The following HPX variants were observed in gnomAD, a reference collection of about 807,000 sequenced individuals.
HPX encodes the protein hemopexin.
HPX carries 42 observed loss-of-function variants against 53.8 expected under a neutral mutation model. The observed-to-expected ratio is 0.78, with a 90% CI of 0.61 to 1.01. HPX has a LOEUF of 1.01. Ranked by LOEUF, HPX falls within the 50% of genes least tolerant of loss-of-function variation. HPX has a pLI of 0.00. For synonymous variants in HPX, 229 were observed against 221.1 expected, an observed-to-expected ratio of 1.04 and a Z score of -0.32; for missense variants, 547 against 594.3, an observed-to-expected ratio of 0.92 and a Z score of 0.83.
Position 6,431,229 on chromosome 11 carries a change from G to A in HPX, c.1371C>T (p.Leu457=). 1.2e-6 allele frequency: 2 copies of A among 1,614,244 alleles called. No individual in the cohort carries two copies. Among genetic ancestry groups the A allele is most frequent in the Middle Eastern group, 1.6e-4 (1 of 6,062 alleles). Residue 457 remains leucine, a synonymous_variant, in exon 10 of 10, where the codon CTC becomes CTT. Transcript: ENST00000265983. ...AGGCCCCTCAGTGAGTGCAGCCCAG[G>A]AGACTGGTCACATTCTGGGGTTGCG... ...ALPQPQNVTS[L]LGCTH
chr11:6,435,670 C>T (rs1317612689), intron 7 of HPX, among the ~76,000 whole-genome samples: 4 of 152,158 alleles, frequency 2.6e-5, no homozygotes, highest in African/African-American at 9.7e-5. Flanking sequence ...TGGTCTCAAA[C>T]TCCTAGGCTC....
Position 6,437,101 on chromosome 11 carries a change from ATG to A in HPX, c.778_779del (p.His260SerfsTer9). The stretch of plus-strand genomic sequence containing the variant: ...CAGACGTCAGTGCAGACAAGACTAG[ATG>A]TGGGCTACAGCGCATATACTCAGGG... ...HGPEYMRCSPHLVLSALTSDN... is the reference protein window; with the variant it reads ...HGPEYMRCSPXLVLSALTSDN... On this transcript the variant is annotated frameshift_variant, in exon 7 of 10. Transcript: ENST00000265983. LOFTEE classifies it high-confidence loss of function. 6.2e-7 allele frequency: 1 copy of A among 1,614,142 alleles called. No homozygotes were observed. Among genetic ancestry groups the A allele is most frequent in the Non-Finnish European group, 8.5e-7 (1 of 1,180,012 alleles).
chr11:6,439,623 C>T (rs1849459851), intron 4 of HPX: 1 of 185,186 alleles, frequency 5.4e-6, no homozygotes, highest in Non-Finnish European at 1.1e-5. Context: ...TAGAATGAGA[C>T]ATTTGAGAAG....
In HPX at chr11:6,437,507, G is replaced by A; in HGVS notation, c.636C>T (p.Val212=). The change falls in exon 6 of 10, where the codon GTC becomes GTT. Residue 212 remains valine (V), a synonymous_variant. Transcript: ENST00000265983. ...QGNQFLRFDP[V]RGEVPPRYPR... ...GGTACCTGGGAGGCACCTCTCCCCT[G>A]ACAGGGTCGAAGCGCAGGAATTGGT... The A allele has an allele frequency of 1.2e-6, 2 of 1,614,224 alleles. No individual in the cohort carries two copies. Among genetic ancestry groups the A allele is most frequent in the Non-Finnish European group, 8.5e-7 (1 of 1,180,034 alleles).
Position 6,440,502 on chromosome 11 carries a change from G to C in HPX, c.179C>G (p.Thr60Ser). Residue 60 changes from threonine (T) to serine (S), a missense_variant, in exon 3 of 10, where the codon ACC becomes AGC. Transcript: ENST00000265983. Reference protein sequence around the residue: ...CSDGWSFDATTLDDNGTMLFF... With the variant: ...CSDGWSFDATSLDDNGTMLFF... ...CAGCATGGTTCCATTGTCATCCAGG[G>C]TGGTAGCATCAAAGCTCCAGCCATC... The C allele has an allele frequency of 6.3e-7, 1 of 1,592,440 alleles. No individual in the cohort carries two copies. The highest frequency in any genetic ancestry group is 8.5e-7 in the Non-Finnish European group (1 of 1,171,098).
chr11:6,431,447 G>A lies in HPX; in HGVS notation c.1153C>T (p.Leu385=). 1 of 1,614,140 alleles carries A rather than the reference G, an allele frequency of 6.2e-7. No individual in the cohort carries two copies. Among genetic ancestry groups the A allele is most frequent in the South Asian group, 1.1e-5 (1 of 91,090 alleles). Residue 385 remains leucine, a synonymous_variant, in exon 10 of 10, where the codon CTG becomes TTG. Transcript: ENST00000265983. ...CACGTGGCTTGGGCTCCTGACTTCA[G>A]GTCCAGCCACCACAGCCGCCGTCCT... is the stretch of plus-strand genomic sequence containing the variant. The part of the protein sequence containing the change: ...MAGRRLWWLD[L]KSGAQATWTE...
At position 6,431,708 on chromosome 11, in the gene HPX, C is replaced by T. The variant is rs1322058726; in HGVS notation, c.1062G>A (p.Gly354=). The change falls in exon 9 of 10, where the codon GGG becomes GGA. Residue 354 remains glycine (G), a synonymous_variant. Transcript: ENST00000265983. ...CCGCATCCACAGAGTCCAGGATAAT[C>T]CCATGAGGGGTCCCGACTTCCTTCT... ...RLEKEVGTPH[G]IILDSVDAAF... 1.9e-6 allele frequency: 3 copies of T among 1,614,196 alleles called. No individual in the cohort carries two copies. Among genetic ancestry groups the T allele is most frequent in the Admixed American group, 3.3e-5 (2 of 60,034 alleles).
chr11:6,440,088 A>C, intron 4 of HPX, 77 bp downstream of exon 4: 1 of 1,590,752 alleles, frequency 6.3e-7, no homozygotes, highest in African/African-American at 1.3e-5. Context: ...GCTCCATGCC[A>C]AGGCCATTTG....
At chr11:6,439,384 A>C (rs1024413572) in intron 4 of HPX, among the ~76,000 whole-genome samples, 3 of 152,212 alleles carry the variant, frequency 2.0e-5, no homozygotes, top group African/African-American at 7.2e-5. Flanking sequence ...ACAGGAGGAA[A>C]GGTTGGTTTG....
rs1279954488 is a variant in HPX at position 6,431,490 on chromosome 11, C to T, written c.1130-20G>A. On this transcript the variant is annotated intron_variant, in intron 9 of 9. Transcript: ENST00000265983. ...GCCGTCCTGGGGAGAAGGCACCAAA[C>T]ATAGCATGGCTTCCATGTCATGGGG... 1.2e-6 allele frequency: 2 copies of T among 1,613,604 alleles called. No individual in the cohort carries two copies. Among genetic ancestry groups the T allele is most frequent in the Non-Finnish European group, 1.7e-6 (2 of 1,179,784 alleles).
At chr11:6,439,960 G>C in intron 4 of HPX, 2 of 646,372 alleles carry the variant, frequency 3.1e-6, no homozygotes, top group Non-Finnish European at 5.6e-6. Context: ...GACTAGGACT[G>C]AAGAACAGCC....
At chr11:6,432,287 G>A (rs1849361468) in intron 7 of HPX, 1 of 496,422 alleles carries the variant, frequency 2.0e-6, no homozygotes, top group Non-Finnish European at 3.6e-6. Context: ...AACATCATGG[G>A]GTTGGCGGGC....
Position 6,440,516 on chromosome 11 carries a change from G to A in HPX, c.165C>T (p.Ser55=). ...DVTERCSDGW[S]FDATTLDDNG... Reference sequence around the variant, plus strand: ...TGTCATCCAGGGTGGTAGCATCAAAGCTCCAGCCATCTGAGCAGCGTTCTG... The same window carrying A: ...TGTCATCCAGGGTGGTAGCATCAAAACTCCAGCCATCTGAGCAGCGTTCTG... The change falls in exon 3 of 10, where the codon AGC becomes AGT. Residue 55 remains serine, a synonymous_variant. Transcript: ENST00000265983. 2 of 1,539,900 alleles carry A rather than the reference G, an allele frequency of 1.3e-6. No individual in the cohort carries two copies. The highest frequency in any genetic ancestry group is 1.5e-5 in the African/African-American group (1 of 68,370).
chr11:6,436,616 T>C (rs1307043864), intron 7 of HPX, among the ~76,000 whole-genome samples: 2 of 152,102 alleles, frequency 1.3e-5, no homozygotes, highest in Non-Finnish European at 2.9e-5. Flanking sequence ...ACCAGGAACC[T>C]GAAACAAGAT....
intron 2 of HPX, 41 bp from the exon 3 acceptor site, chr11:6,440,579 A>C (rs904865189): frequency 6.5e-6 from 3 of 459,828 alleles, no homozygotes; most frequent in Non-Finnish European, 9.1e-6. Context: ...AAAAAAAAAA[A>C]AAAAAAAAAA....
chr11:6,437,019 A>T (rs1432404565), intron 7 of HPX, 27 bp downstream of exon 7: 1 of 1,612,236 alleles, frequency 6.2e-7, no homozygotes, highest in Non-Finnish European at 8.5e-7. Context: ...GTGAGAGCAC[A>T]TTGGGGGAGT....
Position 6,431,051 on chromosome 11 carries a change from CAAGTG to C in HPX, c.*155_*159del. Reference sequence around the variant, plus strand: ...GTTTCACGACCAAGGTCCCTTGATTCAAGTGAAGAAGCAATCTGTCTTTATTATGA... The same window carrying C: ...GTTTCACGACCAAGGTCCCTTGATTCAAGAAGCAATCTGTCTTTATTATGA... On this transcript the variant is annotated 3_prime_UTR_variant, in exon 10 of 10. Coordinates refer to ENST00000265983, the MANE Select transcript of HPX (RefSeq NM_000613.3). 1 of 950,602 alleles carries C rather than the reference CAAGTG, an allele frequency of 1.1e-6. No individual in the cohort carries two copies. The highest frequency in any genetic ancestry group is 1.5e-6 in the Non-Finnish European group (1 of 656,558). The allele number at this position is 950,602 out of a possible 1,614,324, so 58.9% of individuals were successfully genotyped here. A position where few individuals can be genotyped will look rare whatever the true frequency, so the allele number is the denominator to read the frequency against.
chr11:6,433,522 A>G (rs944258560), intron 7 of HPX, among the ~76,000 whole-genome samples: 4 of 152,198 alleles, frequency 2.6e-5, no homozygotes, highest in African/African-American at 9.7e-5. Context: ...TCCAAAATAT[A>G]TCATGGTGAT....
chr11:6,437,617 T>C lies in HPX; in HGVS notation c.526A>G (p.Thr176Ala). 6.2e-7 allele frequency: 1 copy of C among 1,614,150 alleles called. No individual in the cohort carries two copies. Among genetic ancestry groups the C allele is most frequent in the Non-Finnish European group, 8.5e-7 (1 of 1,180,018 alleles). The change falls in exon 6 of 10, where the codon ACC becomes GCC. Residue 176 changes from threonine (T) to alanine (A), a missense_variant. Physicochemically the swap from Thr to Ala is moderately conservative, Grantham distance 58 (BLOSUM62 0). Coordinates refer to ENST00000265983, the MANE Select transcript of HPX (RefSeq NM_000613.3). ...REWFWDLATG[T>A]MKERSWPAVG... The stretch of plus-strand genomic sequence containing the variant: ...GCTGGCCAGGAACGCTCCTTCATGG[T>C]TCCCGTAGCCAAGTCCCAGAACCAC...
Sources: gnomAD v4.1 joint callset for allele counts (sites outside exome capture counted in the v4.1 genomes callset) on GRCh38, gnomAD v4.1.1 for gene constraint, MANE v1.5 for transcripts, NCBI Gene and HGNC (gene_info 2026-07-23, HGNC 2026-07-21) for gene names.